The following PPP2CA variants were observed in gnomAD, a reference collection of about 807,000 sequenced individuals.
PPP2CA encodes the protein protein phosphatase 2 catalytic subunit alpha.
PPP2CA carries 5 observed loss-of-function variants against 38.8 expected under a neutral mutation model. The observed-to-expected ratio is 0.13, with a 90% CI of 0.07 to 0.27. The LOEUF (loss-of-function observed/expected upper bound fraction) is 0.27, where lower values mean the gene tolerates loss of function less well. Ranked by LOEUF, PPP2CA falls within the 10% of genes least tolerant of loss-of-function variation. The pLI, the probability that PPP2CA is intolerant of heterozygous loss-of-function variation, is 1.00. For missense variants in PPP2CA, 88 were observed against 389.7 expected (o/e 0.23, Z 6.52); for synonymous variants, 152 against 134.0 (o/e 1.13, Z -0.93).
In PPP2CA at chr5:134,195,195, T is replaced by C. The variant is rs920112801; in HGVS notation, c.*2577A>G. On this transcript the variant is annotated 3_prime_UTR_variant, in exon 7 of 7. Coordinates refer to ENST00000481195, the MANE Select transcript of PPP2CA (RefSeq NM_002715.4). Reference sequence around the variant, plus strand: ...CATGAGCACATCATGTACAAATTCATTGTAAACTTACAAAATAAGTTTCAA... The same window carrying C: ...CATGAGCACATCATGTACAAATTCACTGTAAACTTACAAAATAAGTTTCAA... The C allele has an allele frequency of 6.6e-6, 1 of 152,212 alleles. No individual in the cohort carries two copies. The highest frequency in any genetic ancestry group is 1.5e-5 in the Non-Finnish European group (1 of 68,044). The allele number at this position is 152,212 out of a possible 1,614,324, so 9.4% of individuals were successfully genotyped here.
intron 1 of PPP2CA, chr5:134,225,389 A>C: frequency 4.8e-6 from 1 of 208,966 alleles, no homozygotes; most frequent in Non-Finnish European, 9.7e-6. Flanking sequence ...TACTCAGCCC[A>C]CCGGAGAGGC....
rs1312868561 is a variant in PPP2CA, at chr5:134,196,790, T to C, written c.*982A>G. ...ACCCAAAGACTTAAATCTCAAGTTATATGGTTTTACAATTAAGTCTTACTG... is the reference window on the plus strand; with the variant it reads ...ACCCAAAGACTTAAATCTCAAGTTACATGGTTTTACAATTAAGTCTTACTG... On this transcript the variant is annotated 3_prime_UTR_variant, in exon 7 of 7. Coordinates refer to ENST00000481195, the MANE Select transcript of PPP2CA (RefSeq NM_002715.4). 4 of 152,312 alleles carry C rather than the reference T, an allele frequency of 2.6e-5. No homozygotes were observed. The highest frequency in any genetic ancestry group is 2.1e-4 in the South Asian group (1 of 4,830). 9.4% of individuals were successfully genotyped at this position (152,312 alleles called of 1,614,324 possible).
At chr5:134,215,510 G>A (rs1432589167) in intron 1 of PPP2CA, among the ~76,000 whole-genome samples, 1 of 152,190 alleles carries the variant, frequency 6.6e-6, no homozygotes, top group Non-Finnish European at 1.5e-5. Flanking sequence ...AGGAGGTGGA[G>A]GTTGCAGTGA....
chr5:134,225,708 C>A (rs766513918), intron 1 of PPP2CA, 52 bp downstream of exon 1: 3 of 1,555,766 alleles, frequency 1.9e-6, no homozygotes, highest in Non-Finnish European at 2.6e-6. Flanking sequence ...GCCGCCTTTT[C>A]CTCGGCGGGC....
At chr5:134,211,640 ATTTT>A (rs57235538) in intron 1 of PPP2CA, among the ~76,000 whole-genome samples, 1 of 141,242 alleles carries the variant, frequency 7.1e-6, no homozygotes, top group African/African-American at 2.6e-5. Flanking sequence ...CTCCCAGCTA[ATTTT>A]TTTTTTTTTT....
In PPP2CA at chr5:134,226,053, C is replaced by G. The variant is rs564803422; in HGVS notation, c.-192G>C. ...GCGCCTCCTCCTCCGCTCGCTGAGGCTCCAGAGCTCGGCTCTCTGTAATGG... is the reference window on the plus strand; with the variant it reads ...GCGCCTCCTCCTCCGCTCGCTGAGGGTCCAGAGCTCGGCTCTCTGTAATGG... On this transcript the variant is annotated 5_prime_UTR_variant, in exon 1 of 7. Coordinates refer to ENST00000481195, the MANE Select transcript of PPP2CA (RefSeq NM_002715.4). 3.8e-6 allele frequency: 2 copies of G among 520,926 alleles called. No homozygotes were observed. The highest frequency in any genetic ancestry group is 2.0e-5 in the African/African-American group (1 of 48,860). The allele number at this position is 520,926 out of a possible 1,614,324, so 32.3% of individuals were successfully genotyped here.
At chr5:134,214,668 G>A (rs1048833273) in intron 1 of PPP2CA, among the ~76,000 whole-genome samples, 9 of 152,178 alleles carry the variant, frequency 5.9e-5, no homozygotes, top group Middle Eastern at 3.4e-3. Context: ...AGTTGTCCAT[G>A]AATATTTTTG....
At chr5:134,214,037 G>A (rs1467669845) in intron 1 of PPP2CA, among the ~76,000 whole-genome samples, 1 of 152,148 alleles carries the variant, frequency 6.6e-6, no homozygotes, top group Non-Finnish European at 1.5e-5. Flanking sequence ...GCTGTGGCAT[G>A]AGAATTATTG....
At chr5:134,214,093 C>T (rs563061904) in intron 1 of PPP2CA, among the ~76,000 whole-genome samples, 177 of 152,212 alleles carry the variant, frequency 1.2e-3, no homozygotes, top group African/African-American at 3.6e-3. Flanking sequence ...CGTGCCACTG[C>T]ACTCCAGCCT....
At chr5:134,209,819 T>C (rs937584614) in intron 1 of PPP2CA, among the ~76,000 whole-genome samples, 4 of 151,684 alleles carry the variant, frequency 2.6e-5, no homozygotes, top group Non-Finnish European at 4.4e-5. Context: ...GGCTCATGCC[T>C]GTAATCCCAA....
At chr5:134,200,579 C>G (rs1761949003) in intron 4 of PPP2CA, 83 bp from the exon 5 acceptor site, 2 of 1,435,302 alleles carry the variant, frequency 1.4e-6, no homozygotes, top group African/African-American at 1.4e-5. Context: ...AAGCAGCACC[C>G]TAAGCCACCC....
chr5:134,225,484 C>A, intron 1 of PPP2CA: 1 of 393,952 alleles, frequency 2.5e-6, no homozygotes, highest in Non-Finnish European at 4.6e-6. Flanking sequence ...TCTCCGCTCC[C>A]CCTGCCACCT....
At chr5:134,198,286 G>T (rs1000694305) in intron 6 of PPP2CA, among the ~76,000 whole-genome samples, 1 of 151,834 alleles carries the variant, frequency 6.6e-6, no homozygotes, top group Non-Finnish European at 1.5e-5. Context: ...CCAGCTACTC[G>T]GGAGGCTGAG....
rs117984803 is a variant in PPP2CA, at chr5:134,212,230, A to G, written c.103-6099T>C. 2.4e-4 allele frequency among the ~76,000 whole-genome samples: 36 copies of G among 152,322 alleles called. No individual in the cohort carries two copies. The East Asian group carries it at 5.6e-3, about 24-fold the overall frequency. On this transcript the variant is annotated intron_variant, in intron 1 of 6. Transcript: ENST00000481195. ...CATTTTTTTAATCAATCAAAGCTTC[A>G]TGGCAACCCTGTGTGGAGCAAGTTT...
At chr5:134,205,874 G>A (rs1762073133) in intron 2 of PPP2CA, 48 bp downstream of exon 2, 1 of 1,512,862 alleles carries the variant, frequency 6.6e-7, no homozygotes, top group Non-Finnish European at 9.2e-7. Flanking sequence ...ACTTTCAAGA[G>A]GACTGTCTTA....
intron 1 of PPP2CA, among the ~76,000 whole-genome samples, chr5:134,224,812 G>C (rs1444063063): frequency 6.6e-6 from 1 of 152,202 alleles, no homozygotes. Flanking sequence ...GTGTATGTGA[G>C]ACATTATTTA....
chr5:134,219,285 T>C (rs1043034053), intron 1 of PPP2CA, among the ~76,000 whole-genome samples: 7 of 152,240 alleles, frequency 4.6e-5, no homozygotes, highest in African/African-American at 1.4e-4. Context: ...CAAAGCTCAA[T>C]AGTGACAATA....
chr5:134,198,112 C>T (rs1023904697), intron 6 of PPP2CA, among the ~76,000 whole-genome samples: 2 of 151,968 alleles, frequency 1.3e-5, no homozygotes, highest in Admixed American at 6.6e-5. Context: ...CATGGTTGGC[C>T]GGGCGCAGTG....
At chr5:134,213,027 T>C (rs1227471305) in intron 1 of PPP2CA, among the ~76,000 whole-genome samples, 2 of 152,204 alleles carry the variant, frequency 1.3e-5, no homozygotes, top group African/African-American at 4.8e-5. Context: ...ATATAAAAAC[T>C]ACAACAAGTT....
Sources: gnomAD v4.1 joint callset for allele counts (sites outside exome capture counted in the v4.1 genomes callset) on GRCh38, gnomAD v4.1.1 for gene constraint, MANE v1.5 for transcripts, NCBI Gene and HGNC (gene_info 2026-07-23, HGNC 2026-07-21) for gene names.